The following PTPRD variants were observed in gnomAD, a reference collection of about 807,000 sequenced individuals.
PTPRD encodes the protein protein tyrosine phosphatase receptor type D.
PTPRD carries 34 observed loss-of-function variants against 214.5 expected under a neutral mutation model. The ratio of observed to expected loss-of-function variants is 0.16; its 90% CI spans 0.12 to 0.21. PTPRD has a LOEUF of 0.21. PTPRD is among the 10% of genes least tolerant of loss of function. The probability of loss-of-function intolerance (pLI) is 1.00; values close to 1 mark genes in which losing one functional copy is unlikely to be tolerated. For missense variants in PTPRD, 2,545 were observed against 2,398.7 expected (o/e 1.06, Z -1.27); for synonymous variants, 1,128 against 845.7 (o/e 1.33, Z -5.79).
intron 11 of PTPRD, among the ~76,000 whole-genome samples, chr9:8,896,567 A>G (rs1296698852): frequency 6.6e-6 from 1 of 152,222 alleles, no homozygotes; most frequent in Non-Finnish European, 1.5e-5. Context: ...TATTGCCACA[A>G]ACAAATGCTG....
intron 2 of PTPRD, among the ~76,000 whole-genome samples, chr9:10,512,825 T>C (rs2048744800): frequency 6.6e-6 from 1 of 152,044 alleles, no homozygotes; most frequent in Admixed American, 6.6e-5. Flanking sequence ...TATTAAAGTA[T>C]AACTAGAGAA....
At chr9:9,027,986 T>G (rs2099592795) in intron 10 of PTPRD, among the ~76,000 whole-genome samples, 1 of 151,908 alleles carries the variant, frequency 6.6e-6, no homozygotes, top group Non-Finnish European at 1.5e-5. Context: ...ATTTCTTTAA[T>G]CTGTAATTCT....
intron 9 of PTPRD, among the ~76,000 whole-genome samples, chr9:9,252,640 C>T (rs1418667188): frequency 6.6e-6 from 1 of 151,992 alleles, no homozygotes; most frequent in East Asian, 1.9e-4. Flanking sequence ...TACCACATGT[C>T]TGGCAATTTA....
intron 8 of PTPRD, among the ~76,000 whole-genome samples, chr9:9,502,743 T>C (rs1329584892): frequency 1.3e-5 from 2 of 151,850 alleles, no homozygotes; most frequent in Non-Finnish European, 2.9e-5. Context: ...GTATTGTTTA[T>C]AAAAAAGGAG....
intron 12 of PTPRD, among the ~76,000 whole-genome samples, chr9:8,672,071 T>C (rs1309894528): frequency 2.0e-5 from 3 of 152,210 alleles, no homozygotes; most frequent in Non-Finnish European, 2.9e-5. Flanking sequence ...TCCTCATACA[T>C]GTGTTAAATT....
At chr9:9,819,215 T>C (rs2049857106) in intron 5 of PTPRD, among the ~76,000 whole-genome samples, 1 of 152,152 alleles carries the variant, frequency 6.6e-6, no homozygotes, top group South Asian at 2.1e-4. Context: ...TGTGAGGAAG[T>C]GTCTTCATTG....
chr9:8,539,923 G>C (rs1047931466), intron 14 of PTPRD, among the ~76,000 whole-genome samples: 1 of 152,078 alleles, frequency 6.6e-6, no homozygotes, highest in African/African-American at 2.4e-5. Flanking sequence ...GTGATCAAAA[G>C]TGAATGCGGA....
chr9:10,232,240 G>T (rs533231028), intron 3 of PTPRD, among the ~76,000 whole-genome samples: 1 of 151,706 alleles, frequency 6.6e-6, no homozygotes, highest in Non-Finnish European at 1.5e-5. Context: ...AAGTTTCTCC[G>T]GTTCAGGTAT....
At chr9:8,999,728 T>C (rs755963951) in intron 11 of PTPRD, among the ~76,000 whole-genome samples, 5 of 152,026 alleles carry the variant, frequency 3.3e-5, no homozygotes, top group Non-Finnish European at 5.9e-5. Context: ...ATTGCTACTT[T>C]GTTTTTCCAC....
At chr9:8,562,672 A>T (rs2086874420) in intron 14 of PTPRD, among the ~76,000 whole-genome samples, 1 of 152,010 alleles carries the variant, frequency 6.6e-6, no homozygotes, top group Non-Finnish European at 1.5e-5. Context: ...CCTGAGCTCA[A>T]GTGATCCACC....
intron 2 of PTPRD, among the ~76,000 whole-genome samples, chr9:10,431,366 T>C (rs956976017): frequency 6.6e-6 from 1 of 151,978 alleles, no homozygotes; most frequent in South Asian, 2.1e-4. Flanking sequence ...ATTCAGGACA[T>C]AGGCATGGGC....
chr9:9,575,368 T>C (rs140227921), intron 7 of PTPRD, among the ~76,000 whole-genome samples: 10 of 152,232 alleles, frequency 6.6e-5, no homozygotes, highest in Non-Finnish European at 1.0e-4. Flanking sequence ...GTTATTATTA[T>C]TGTCTTTAAA....
intron 11 of PTPRD, among the ~76,000 whole-genome samples, chr9:8,743,150 T>C (rs900191097): frequency 1.3e-5 from 2 of 151,600 alleles, no homozygotes; most frequent in Non-Finnish European, 2.9e-5. Context: ...TCTAATACAT[T>C]GCTTTCTAAA....
At chr9:9,920,851 C>A (rs1051867122) in intron 5 of PTPRD, among the ~76,000 whole-genome samples, 1 of 152,102 alleles carries the variant, frequency 6.6e-6, no homozygotes, top group Non-Finnish European at 1.5e-5. Context: ...ACTCCGGCTT[C>A]CATCTATCAT....
At chr9:8,808,351 G>A (rs995740454) in intron 11 of PTPRD, among the ~76,000 whole-genome samples, 1 of 151,762 alleles carries the variant, frequency 6.6e-6, no homozygotes, top group Non-Finnish European at 1.5e-5. Flanking sequence ...TTCATGGTAA[G>A]CACTTTTGGG....
intron 10 of PTPRD, among the ~76,000 whole-genome samples, chr9:9,131,495 T>C (rs2099842541): frequency 6.6e-6 from 1 of 152,166 alleles, no homozygotes; most frequent in Non-Finnish European, 1.5e-5. Context: ...GCTATTACCA[T>C]TGTAAAAACT....
chr9:9,840,039 T>A (rs546736881), intron 5 of PTPRD, among the ~76,000 whole-genome samples: 36 of 152,038 alleles, frequency 2.4e-4, no homozygotes, highest in African/African-American at 7.7e-4. Flanking sequence ...TTTATTATTA[T>A]TATTTATTAT....
At chr9:9,285,381 T>G (rs1949033545) in intron 9 of PTPRD, among the ~76,000 whole-genome samples, 1 of 151,824 alleles carries the variant, frequency 6.6e-6, no homozygotes, top group Non-Finnish European at 1.5e-5. Flanking sequence ...CTATAAAGAA[T>G]GATAAAGACT....
intron 10 of PTPRD, among the ~76,000 whole-genome samples, chr9:9,113,958 T>G (rs565199068): frequency 8.5e-5 from 13 of 152,284 alleles, no homozygotes; most frequent in African/African-American, 2.6e-4. Flanking sequence ...AAGAATGGTC[T>G]GTTGATGGAA....
Sources: gnomAD v4.1 joint callset for allele counts (sites outside exome capture counted in the v4.1 genomes callset) on GRCh38, gnomAD v4.1.1 for gene constraint, MANE v1.5 for transcripts, NCBI Gene and HGNC (gene_info 2026-07-23, HGNC 2026-07-21) for gene names.